CTNNA3: variants seen among roughly 807,000 people sequenced by gnomAD.
CTNNA3 encodes the protein catenin alpha-3.
In CTNNA3, 76 loss-of-function variants were observed where a neutral mutation model predicts 95.7. That is an observed-to-expected ratio of 0.79 (90% CI 0.66 to 0.96). CTNNA3 has a LOEUF of 0.96. CTNNA3 is among the 40% of genes least tolerant of loss of function. The probability of loss-of-function intolerance (pLI) is 0.00; values close to 1 mark genes in which losing one functional copy is unlikely to be tolerated. For synonymous variants in CTNNA3, 431 were observed against 374.4 expected, an observed-to-expected ratio of 1.15 and a Z score of -1.74; for missense variants, 1,191 against 1,089.8, an observed-to-expected ratio of 1.09 and a Z score of -1.31.
At chr10:65,960,763 C>T (rs568298017) in intron 17 of CTNNA3, among the ~76,000 whole-genome samples, 5 of 152,116 alleles carry the variant, frequency 3.3e-5, no homozygotes, top group African/African-American at 7.2e-5. Flanking sequence ...TAAGTGAGGA[C>T]ATGTGGTATT....
chr10:67,384,617 T>C (rs1350179771), intron 5 of CTNNA3, among the ~76,000 whole-genome samples: 1 of 152,196 alleles, frequency 6.6e-6, no homozygotes, highest in Non-Finnish European at 1.5e-5. Context: ...AGGCTCAAAG[T>C]TCCAGGGGAG....
At chr10:66,166,564 A>T (rs1196910497) in intron 13 of CTNNA3, among the ~76,000 whole-genome samples, 1 of 152,066 alleles carries the variant, frequency 6.6e-6, no homozygotes, top group Non-Finnish European at 1.5e-5. Flanking sequence ...GGTTAAAAAC[A>T]AAAAGCAAAA....
At chr10:67,080,947 A>C (rs1313038180) in intron 7 of CTNNA3, among the ~76,000 whole-genome samples, 1 of 151,574 alleles carries the variant, frequency 6.6e-6, no homozygotes, top group Non-Finnish European at 1.5e-5. Flanking sequence ...AAAAAAAAAA[A>C]AACAAAGAAG....
At chr10:67,729,764 A>G (rs1427904894) in intron 1 of CTNNA3, among the ~76,000 whole-genome samples, 1 of 152,190 alleles carries the variant, frequency 6.6e-6, no homozygotes, top group East Asian at 1.9e-4. Flanking sequence ...AACATTTTAG[A>G]ACTAGATAGA....
At chr10:67,172,641 G>T (rs781187104) in intron 7 of CTNNA3, among the ~76,000 whole-genome samples, 1 of 151,948 alleles carries the variant, frequency 6.6e-6, no homozygotes, top group Non-Finnish European at 1.5e-5. Flanking sequence ...GATCAATTAA[G>T]GTCTGTTGAC....
At chr10:66,307,305 AAAT>A (rs1284767069) in intron 12 of CTNNA3, among the ~76,000 whole-genome samples, 1 of 152,212 alleles carries the variant, frequency 6.6e-6, no homozygotes, top group Non-Finnish European at 1.5e-5. Context: ...TAAGAACTAA[AAAT>A]AAGTTTTATC....
intron 7 of CTNNA3, among the ~76,000 whole-genome samples, chr10:66,969,580 C>T (rs1849611266): frequency 6.6e-6 from 1 of 152,050 alleles, no homozygotes; most frequent in Non-Finnish European, 1.5e-5. Flanking sequence ...TCCATAACAC[C>T]ACACTGTTTT....
At chr10:66,108,895 G>T (rs933091272) in intron 13 of CTNNA3, among the ~76,000 whole-genome samples, 1 of 151,990 alleles carries the variant, frequency 6.6e-6, no homozygotes, top group Non-Finnish European at 1.5e-5. Flanking sequence ...ATAATTCCTT[G>T]CCTAAAGAAA....
chr10:67,742,596 A>G (rs1382174463), intron 1 of CTNNA3, among the ~76,000 whole-genome samples: 1 of 151,272 alleles, frequency 6.6e-6, no homozygotes, highest in African/African-American at 2.4e-5. Flanking sequence ...AAAGAGCTAG[A>G]AAAGCAAGAG....
At position 66,927,041 on chromosome 10, in the gene CTNNA3, G is replaced by A. The variant is rs771156957; in HGVS notation, c.1048-151517C>T. ...TGCCCTAAGGGCTGTAGGTGTGAAG[G>A]CAAAATGGTATATTGTGAATCTCAG... On this transcript the variant is annotated intron_variant, in intron 7 of 17. Coordinates refer to ENST00000433211, the MANE Select transcript of CTNNA3 (RefSeq NM_013266.4). This position sits in a 1 kb window ranked among gnomAD's most constrained non-coding sequence, Gnocchi z 4.7. 4 of 1,614,094 alleles carry A rather than the reference G, an allele frequency of 2.5e-6. No individual in the cohort carries two copies. The highest frequency in any genetic ancestry group is 1.1e-5 in the South Asian group (1 of 91,074).
At chr10:66,468,341 C>T (rs888033845) in intron 11 of CTNNA3, among the ~76,000 whole-genome samples, 4 of 151,996 alleles carry the variant, frequency 2.6e-5, no homozygotes, top group African/African-American at 9.7e-5. Flanking sequence ...TGTGTAGGAA[C>T]AGTACATACA....
intron 5 of CTNNA3, among the ~76,000 whole-genome samples, chr10:67,403,611 T>C (rs2132814577): frequency 6.6e-6 from 1 of 152,316 alleles, no homozygotes; most frequent in South Asian, 2.1e-4. Flanking sequence ...CCTGTGCTGT[T>C]TGGGCATCTC....
intron 15 of CTNNA3, among the ~76,000 whole-genome samples, chr10:66,011,413 G>A (rs919534902): frequency 2.0e-5 from 3 of 151,992 alleles, no homozygotes; most frequent in African/African-American, 7.3e-5. Flanking sequence ...ACTCTTACAT[G>A]TGAATTGGAG....
At chr10:66,832,874 G>C (rs1302598737) in intron 7 of CTNNA3, among the ~76,000 whole-genome samples, 2 of 152,068 alleles carry the variant, frequency 1.3e-5, no homozygotes, top group Non-Finnish European at 2.9e-5. Flanking sequence ...GATCACTGGA[G>C]GAAGCAGCCA....
At chr10:66,041,133 A>G (rs2079678788) in intron 15 of CTNNA3, among the ~76,000 whole-genome samples, 1 of 152,200 alleles carries the variant, frequency 6.6e-6, no homozygotes, top group Non-Finnish European at 1.5e-5. Flanking sequence ...TCACTGTAGC[A>G]TGCCTGCCAA....
intron 7 of CTNNA3, among the ~76,000 whole-genome samples, chr10:66,979,057 T>TGG (rs1850255324): frequency 6.8e-6 from 1 of 147,988 alleles, no homozygotes; most frequent in South Asian, 2.2e-4. Context: ...CTCTACCTCC[T>TGG]GGGCTCAAGA....
intron 11 of CTNNA3, among the ~76,000 whole-genome samples, chr10:66,456,911 T>C (rs945430205): frequency 2.0e-5 from 3 of 151,932 alleles, no homozygotes; most frequent in East Asian, 1.9e-4. Flanking sequence ...CTGGGTAACA[T>C]AGTGAAAACC....
intron 1 of CTNNA3, chr10:67,648,795 G>T (rs1243764999): frequency 1.6e-6 from 2 of 1,289,180 alleles, no homozygotes; most frequent in South Asian, 2.5e-5. Flanking sequence ...TAGAAACATG[G>T]TCTCTTTTCT....
chr10:65,988,654 G>T (rs188672725), intron 16 of CTNNA3, 38 bp downstream of exon 16: 20 of 1,510,744 alleles, frequency 1.3e-5, no homozygotes, highest in Non-Finnish European at 1.7e-5. Flanking sequence ...AGAGCAATTA[G>T]CATGAACTTT....
Sources: gnomAD v4.1 joint callset for allele counts (sites outside exome capture counted in the v4.1 genomes callset) on GRCh38, gnomAD v4.1.1 for gene constraint, Gnocchi (gnomAD v3.1) non-coding constraint, MANE v1.5 for transcripts, NCBI Gene and HGNC (gene_info 2026-07-23, HGNC 2026-07-21) for gene names.